The following ZDHHC13 variants were observed in gnomAD, a reference collection of about 807,000 sequenced individuals.
The protein encoded by ZDHHC13 is zDHHC palmitoyltransferase 13.
Under a neutral mutation model 86.0 loss-of-function variants are expected in ZDHHC13, and 85 were observed. That is an observed-to-expected ratio of 0.99 (90% CI 0.83 to 1.18). ZDHHC13 has a LOEUF of 1.18. ZDHHC13 is among the 50% of genes most tolerant of loss of function. ZDHHC13 has a pLI of 0.00. For missense variants in ZDHHC13, 711 were observed against 730.2 expected, an observed-to-expected ratio of 0.97 and a Z score of 0.30; for synonymous variants, 263 against 246.4, an observed-to-expected ratio of 1.07 and a Z score of -0.63.
rs137986677 is a variant in ZDHHC13, at chr11:19,150,753, G to A, written c.546G>A (p.Gly182=). 2.6e-3 allele frequency: 4,212 copies of A among 1,610,326 alleles called. 8 individuals carry two copies. The highest frequency in any genetic ancestry group is 3.4e-3 in the Non-Finnish European group (3,951 of 1,177,366). The change falls in exon 6 of 17, where the codon GGG becomes GGA. Residue 182 remains glycine, a synonymous_variant. Transcript: ENST00000446113. ...GTGTGAATATGACAGATGTAAATGG[G>A]CAGACACCTCTCATGTTATCAGCTC... ...GQSVNMTDVN[G]QTPLMLSAHK...
At chr11:19,144,817 T>C (rs774630901) in intron 2 of ZDHHC13, among the ~76,000 whole-genome samples, 20 of 152,192 alleles carry the variant, frequency 1.3e-4, no homozygotes, top group Non-Finnish European at 2.2e-4. Flanking sequence ...TGGGACTTCA[T>C]AGAAATATTG....
chr11:19,175,715 C>A, intron 16 of ZDHHC13, 107 bp from the exon 17 acceptor site: 2 of 1,349,352 alleles, frequency 1.5e-6, no homozygotes, highest in Admixed American at 2.4e-5. Flanking sequence ...CCCTGGATTT[C>A]TGCAAGATGT....
chr11:19,172,480 C>G (rs1850249987), intron 15 of ZDHHC13, among the ~76,000 whole-genome samples: 1 of 152,174 alleles, frequency 6.6e-6, no homozygotes, highest in Non-Finnish European at 1.5e-5. Context: ...TGAGATAACT[C>G]TGTGAGTAGT....
At chr11:19,146,825 T>A (rs1373767804) in intron 3 of ZDHHC13, among the ~76,000 whole-genome samples, 1 of 152,162 alleles carries the variant, frequency 6.6e-6, no homozygotes, top group Admixed American at 6.5e-5. Context: ...TACATGTGTA[T>A]GTGAATGTGT....
Position 19,176,145 on chromosome 11 carries a change from C to A in ZDHHC13, c.*185C>A. 1 of 458,816 alleles carries A rather than the reference C, an allele frequency of 2.2e-6. No homozygotes were observed. The highest frequency in any genetic ancestry group is 3.6e-6 in the Non-Finnish European group (1 of 279,870). 28.4% of individuals were successfully genotyped at this position (458,816 alleles called of 1,614,324 possible). ...AATTTTTTAGGTTTAGAAAGATGGA[C>A]TTTTCTGATAAATCTTGGCAGACAT... On this transcript the variant is annotated 3_prime_UTR_variant, in exon 17 of 17. Transcript: ENST00000446113.
intron 3 of ZDHHC13, among the ~76,000 whole-genome samples, chr11:19,146,850 A>G (rs1250065276): frequency 6.6e-6 from 1 of 152,170 alleles, no homozygotes; most frequent in Admixed American, 6.5e-5. Context: ...ATTTTGTGTT[A>G]TAGGATTAGA....
intron 11 of ZDHHC13, 45 bp downstream of exon 11, chr11:19,163,472 A>G: frequency 6.5e-7 from 1 of 1,536,944 alleles, no homozygotes; most frequent in Non-Finnish European, 8.7e-7. Context: ...AGGGTTTGTA[A>G]ACTTTAGAAA....
chr11:19,132,703 T>TG (rs369831624), intron 1 of ZDHHC13, among the ~76,000 whole-genome samples: 2 of 152,224 alleles, frequency 1.3e-5, no homozygotes, highest in African/African-American at 4.8e-5. Flanking sequence ...TTCCTCTCAG[T>TG]GCCCATGATT....
At chr11:19,169,579 A>G in intron 14 of ZDHHC13, 2 of 985,448 alleles carry the variant, frequency 2.0e-6, no homozygotes, top group Non-Finnish European at 2.4e-6. Context: ...CAAGGTGCAA[A>G]TCGACAGAAT....
intron 1 of ZDHHC13, among the ~76,000 whole-genome samples, chr11:19,124,143 T>C (rs1171388429): frequency 6.6e-6 from 1 of 152,120 alleles, no homozygotes; most frequent in Non-Finnish European, 1.5e-5. Context: ...GAATGAATTA[T>C]ACTAGATCTA....
intron 1 of ZDHHC13, among the ~76,000 whole-genome samples, chr11:19,141,901 A>G (rs926445150): frequency 2.6e-5 from 4 of 151,986 alleles, no homozygotes; most frequent in African/African-American, 9.7e-5. Flanking sequence ...CATTCTTTTT[A>G]CCCTCCCAAA....
intron 1 of ZDHHC13, among the ~76,000 whole-genome samples, chr11:19,142,284 C>T (rs909210657): frequency 1.3e-5 from 2 of 152,194 alleles, no homozygotes; most frequent in African/African-American, 4.8e-5. Flanking sequence ...TTATGTGGCT[C>T]TCTCACAGGC....
At chr11:19,173,907 G>A (rs1428815222) in intron 16 of ZDHHC13, among the ~76,000 whole-genome samples, 3 of 152,096 alleles carry the variant, frequency 2.0e-5, no homozygotes, top group Admixed American at 6.6e-5. Context: ...ACACATGAGA[G>A]CACTAGAGCA....
At chr11:19,142,416 A>G (rs1321469378) in intron 1 of ZDHHC13, among the ~76,000 whole-genome samples, 24 of 152,176 alleles carry the variant, frequency 1.6e-4, no homozygotes, top group Non-Finnish European at 2.9e-4. Flanking sequence ...CCTTTGCCAT[A>G]TTCCATTGCC....
At chr11:19,144,589 G>A (rs1329758439) in intron 2 of ZDHHC13, among the ~76,000 whole-genome samples, 1 of 151,966 alleles carries the variant, frequency 6.6e-6, no homozygotes, top group African/African-American at 2.4e-5. Context: ...ATGTATGTGT[G>A]TCATTTTCAA....
chr11:19,129,027 C>A (rs1405118043), intron 1 of ZDHHC13, among the ~76,000 whole-genome samples: 1 of 152,152 alleles, frequency 6.6e-6, no homozygotes, highest in South Asian at 2.1e-4. Flanking sequence ...CAGAATATAT[C>A]CTCATTGTTA....
Position 19,152,557 on chromosome 11 carries a change from A to T in ZDHHC13, c.748-2A>T. ...AAACTTTTTACCCTACTCTTTTTTA[A>T]GGGAGAAACACCTCTTGATATGGCT... On this transcript the variant is annotated splice_acceptor_variant, in intron 7 of 16. Transcript: ENST00000446113. LOFTEE classifies it high-confidence loss of function. 6.3e-7 allele frequency: 1 copy of T among 1,597,294 alleles called. No individual in the cohort carries two copies. Among genetic ancestry groups the T allele is most frequent in the Non-Finnish European group, 8.5e-7 (1 of 1,174,666 alleles).
At chr11:19,139,314 A>G (rs185495420) in intron 1 of ZDHHC13, among the ~76,000 whole-genome samples, 2 of 152,228 alleles carry the variant, frequency 1.3e-5, no homozygotes, top group Admixed American at 1.3e-4. Flanking sequence ...CCCATTCACA[A>G]TTGCTTCAAA....
intron 1 of ZDHHC13, among the ~76,000 whole-genome samples, chr11:19,120,204 T>C (rs1848733455): frequency 6.6e-6 from 1 of 152,216 alleles, no homozygotes. Context: ...TTTGTCATGC[T>C]CATGGACTCT....
Sources: allele counts gnomAD v4.1 joint callset (sites outside exome capture counted in the v4.1 genomes callset), GRCh38; gene constraint gnomAD v4.1.1; transcripts MANE v1.5; gene names NCBI Gene and HGNC (gene_info 2026-07-23, HGNC 2026-07-21).